The following HTR3D variants were observed in gnomAD, a reference collection of about 807,000 sequenced individuals.
The protein encoded by HTR3D is 5-hydroxytryptamine receptor 3D.
Under a neutral mutation model 45.8 loss-of-function variants are expected in HTR3D, and 47 were observed. The observed-to-expected ratio is 1.03, with a 90% CI of 0.81 to 1.31. HTR3D has a LOEUF of 1.31. Ranked by LOEUF, HTR3D falls within the 50% of genes most tolerant of loss-of-function variation. The probability of loss-of-function intolerance (pLI) is 0.00; values close to 1 mark genes in which losing one functional copy is unlikely to be tolerated. For missense variants in HTR3D, 448 were observed against 506.9 expected (o/e 0.88, Z 1.12); for synonymous variants, 203 against 199.8 (o/e 1.02, Z -0.13).
rs1258295647 is a variant in HTR3D, at chr3:184,038,154, T to C, written c.650T>C (p.Met217Thr). ...AGTGGGAATTGTGCCCCATTCAAGA[T>C]GACTGTTCTGCTGGGCTACAGCGTC... Reference protein sequence around the residue: ...LESGNCAPFKMTVLLGYSVFL... With the variant: ...LESGNCAPFKTTVLLGYSVFL... Residue 217 changes from methionine to threonine, a missense_variant, in exon 6 of 8, where the codon ATG (methionine) becomes ACG (threonine). Coordinates refer to ENST00000428798, the MANE Select transcript of HTR3D (RefSeq NM_001145143.1). This position sits in a 1 kb window ranked among gnomAD's most constrained non-coding sequence, Gnocchi z 4.5. 2.7e-5 allele frequency: 43 copies of C among 1,614,198 alleles called. No homozygotes were observed. The highest frequency in any genetic ancestry group is 3.4e-5 in the Non-Finnish European group (40 of 1,180,020).
chr3:184,032,274 G>T (rs1000011749), intron 1 of HTR3D, among the ~76,000 whole-genome samples: 1 of 152,176 alleles, frequency 6.6e-6, no homozygotes, highest in African/African-American at 2.4e-5. Flanking sequence ...GATTACAGGC[G>T]TGAGCCCCTG....
rs546924926 is a variant in HTR3D, at chr3:184,036,245, G to C, written c.198-130G>C. On this transcript the variant is annotated intron_variant, in intron 3 of 7. Coordinates refer to ENST00000428798, the MANE Select transcript of HTR3D (RefSeq NM_001145143.1). ...TACAAACCCCCAGAATATGATTATA[G>C]GTAGAAGAGAGCAGTCATCTGAGTG... 7.5e-5 allele frequency: 112 copies of C among 1,492,540 alleles called. 1 individual carries two copies. The East Asian group carries it at 2.1e-3, about 27-fold the overall frequency. 92.5% of individuals were successfully genotyped at this position (1,492,540 alleles called of 1,614,324 possible). A position where few individuals can be genotyped will look rare whatever the true frequency, so the allele number is the denominator to read the frequency against.
chr3:184,036,392 C>A lies in HTR3D; in HGVS notation c.215C>A (p.Ala72Glu), dbSNP rs764122723. The change falls in exon 4 of 8, where the codon GCA (alanine) becomes GAA (glutamate). Residue 72 changes from alanine (A) to glutamate (E), a missense_variant. Ala to Glu is a moderately radical substitution (Grantham distance 107). Transcript: ENST00000428798. ...FIEESVDQTP[A>E]GLMASMSIVK... is the part of the protein sequence containing the mutation. ...AGCATCAGTGTGGATCAGACACCTG[C>A]AGGTCTCATGGCTAGTATGTCAATA... The A allele has an allele frequency of 2.5e-6, 4 of 1,614,058 alleles. No individual in the cohort carries two copies. The Admixed American group carries it at 6.7e-5, about 27-fold the overall frequency.
chr3:184,037,977 T>A, intron 5 of HTR3D, 44 bp from the exon 6 acceptor site: 1 of 1,600,698 alleles, frequency 6.2e-7, no homozygotes, highest in East Asian at 2.2e-5. Flanking sequence ...CTTGACAGCC[T>A]CCCAGCCTAC....
Position 184,036,975 on chromosome 3 carries a change from G to A in HTR3D, c.516+79G>A, listed in dbSNP as rs369658133. 375 of 1,397,008 alleles carry A rather than the reference G, an allele frequency of 2.7e-4. 8 individuals carry two copies. The South Asian group carries it at 4.3e-3, about 16-fold the overall frequency. 86.5% of individuals were successfully genotyped at this position (1,397,008 alleles called of 1,614,324 possible). On this transcript the variant is annotated intron_variant, in intron 5 of 7. Transcript: ENST00000428798. ...ACTCCTGGCTTCAGGTGATCCGCCC[G>A]CCTCGGCCTCCCAAAGTGCTGGGAT...
chr3:184,034,139 T>G (rs1283657321), intron 1 of HTR3D, among the ~76,000 whole-genome samples: 3 of 151,986 alleles, frequency 2.0e-5, no homozygotes, highest in African/African-American at 7.3e-5. Flanking sequence ...AAACGGGGTA[T>G]TTGTACACTT....
chr3:184,033,144 G>C (rs1172101083), intron 1 of HTR3D: 1 of 935,082 alleles, frequency 1.1e-6, no homozygotes, highest in Non-Finnish European at 1.6e-6. Flanking sequence ...TTTTGAGATG[G>C]AGTCTTGCTC....
intron 5 of HTR3D, among the ~76,000 whole-genome samples, 178 bp downstream of exon 5, chr3:184,037,074 T>C (rs1249884313): frequency 6.6e-6 from 1 of 150,882 alleles, no homozygotes; most frequent in Non-Finnish European, 1.5e-5. Flanking sequence ...AGTTTTGTTC[T>C]TGTCGCTCAG....
chr3:184,038,820 T>C lies in HTR3D; in HGVS notation c.1060T>C (p.Trp354Arg). Reference protein sequence around the residue: ...GEAELTGGSEWTRAQREHEAQ... With the variant: ...GEAELTGGSERTRAQREHEAQ... ...GGCAGAGCTGACAGGGGGCTCAGAA[T>C]GGACAAGGGCCCAGCGGGAACACGA... is the stretch of plus-strand genomic sequence containing the variant. The change falls in exon 8 of 8, where the codon TGG becomes CGG. Residue 354 changes from tryptophan to arginine, a missense_variant. Trp to Arg is a moderately radical substitution (Grantham distance 101, BLOSUM62 -3). Coordinates refer to ENST00000428798, the MANE Select transcript of HTR3D (RefSeq NM_001145143.1). This position sits in a 1 kb window ranked among gnomAD's most constrained non-coding sequence, Gnocchi z 4.5. 2.5e-6 allele frequency: 4 copies of C among 1,614,002 alleles called. No homozygotes were observed. Among genetic ancestry groups the C allele is most frequent in the Non-Finnish European group, 3.4e-6 (4 of 1,179,974 alleles).
Position 184,036,465 on chromosome 3 carries a change from T to C in HTR3D, c.288T>C (p.Ser96=). 6.2e-7 allele frequency: 1 copy of C among 1,614,240 alleles called. No individual in the cohort carries two copies. Among genetic ancestry groups the C allele is most frequent in the East Asian group, 2.2e-5 (1 of 44,884 alleles). Residue 96 remains serine, a synonymous_variant, in exon 4 of 8, where the codon TCT becomes TCC. Transcript: ENST00000428798. ...TAAGCCAATGTGGGTGGTCAGCATC[T>C]GCAAACTGGACACCTTCTATTTCCC... ...NTISQCGWSA[S]ANWTPSISPS...
rs533957306 is a variant in HTR3D, at chr3:184,032,681, G to T, written c.66+874G>T. On this transcript the variant is annotated intron_variant, in intron 1 of 7. Transcript: ENST00000428798. ...TTGCATACACATCTGGACAGGTTTT[G>T]CATGGGGACAAAACAATGGCACTGA... 150 of 650,356 alleles carry T rather than the reference G, an allele frequency of 2.3e-4. No individual in the cohort carries two copies. In the African/African-American group the frequency reaches 2.4e-3, roughly 11 times the overall value. 40.3% of individuals were successfully genotyped at this position (650,356 alleles called of 1,614,324 possible).
Position 184,036,769 on chromosome 3 carries a change from C to T in HTR3D, c.389C>T (p.Ser130Phe), listed in dbSNP as rs1278509360. The T allele has an allele frequency of 7.1e-5, 110 of 1,552,098 alleles. 3 individuals carry two copies. The East Asian group carries it at 2.6e-3, about 37-fold the overall frequency. ...CGAGCCCGGGCATGGAGAAGGATGT[C>T]CAGGAGCTTTCAAATACATCACAGA... Reference protein sequence around the residue: ...TQVTRAWRRMSRSFQIHHRTS... With the variant: ...TQVTRAWRRMFRSFQIHHRTS... Residue 130 changes from serine (S) to phenylalanine (F), a missense_variant, in exon 5 of 8, where the codon TCC becomes TTC. By Grantham distance (155) the Ser-to-Phe change is radical. Transcript: ENST00000428798.
At position 184,036,851 on chromosome 3, in the gene HTR3D, A is replaced by G; in HGVS notation, c.471A>G (p.Ile157Met). The G allele has an allele frequency of 6.4e-7, 1 of 1,551,552 alleles. No individual in the cohort carries two copies. The highest frequency in any genetic ancestry group is 8.7e-7 in the Non-Finnish European group (1 of 1,146,926). Reference sequence around the variant, plus strand: ...TGCTGGGTATCCAAAAAAGAACAATAAAGGTGACCGTGGCCACTAACCAGT... The same window carrying G: ...TGCTGGGTATCCAAAAAAGAACAATGAAGGTGACCGTGGCCACTAACCAGT... Reference protein sequence around the residue: ...WVLLGIQKRTIKVTVATNQYE... With the variant: ...WVLLGIQKRTMKVTVATNQYE... Residue 157 changes from isoleucine (I) to methionine (M), a missense_variant, in exon 5 of 8, where the codon ATA becomes ATG. Transcript: ENST00000428798.
At position 184,037,901 on chromosome 3, in the gene HTR3D, G is replaced by A. The variant is rs191666765; in HGVS notation, c.517-120G>A. On this transcript the variant is annotated intron_variant, in intron 5 of 7. Transcript: ENST00000428798. ...GAAAAGACCGGATGCTGAAAGGGAC[G>A]GGAGGTAATATTTCCTTACTAGACA... The A allele has an allele frequency of 1.7e-4, 206 of 1,228,450 alleles. 1 individual carries two copies. The highest frequency in any genetic ancestry group is 9.0e-4 in the Admixed American group (40 of 44,208). The allele number at this position is 1,228,450 out of a possible 1,614,324, so 76.1% of individuals were successfully genotyped here. A position where few individuals can be genotyped will look rare whatever the true frequency, so the allele number is the denominator to read the frequency against.
At chr3:184,032,448 T>C (rs930266687) in intron 1 of HTR3D, among the ~76,000 whole-genome samples, 1 of 152,216 alleles carries the variant, frequency 6.6e-6, no homozygotes, top group Non-Finnish European at 1.5e-5. Flanking sequence ...CCTATCTGAT[T>C]ACTCCCCTTA....
At position 184,033,093 on chromosome 3, in the gene HTR3D, T is replaced by C. The variant is rs539358898; in HGVS notation, c.66+1286T>C. 6 of 1,435,908 alleles carry C rather than the reference T, an allele frequency of 4.2e-6. No individual in the cohort carries two copies. In the Admixed American group the frequency reaches 6.2e-5, roughly 15 times the overall value. The allele number at this position is 1,435,908 out of a possible 1,614,324, so 88.9% of individuals were successfully genotyped here. A position where few individuals can be genotyped will look rare whatever the true frequency, so the allele number is the denominator to read the frequency against. On this transcript the variant is annotated intron_variant, in intron 1 of 7. Coordinates refer to ENST00000428798, the MANE Select transcript of HTR3D (RefSeq NM_001145143.1). The stretch of plus-strand genomic sequence containing the variant: ...CTCACCCAACATTGCAGTGGTCTAG[T>C]GGTGAGCAGTGGACCCTCTGACTGG...
rs1214584099 is a variant in HTR3D at position 184,038,002 on chromosome 3, T to C, written c.517-19T>C. On this transcript the variant is annotated intron_variant, in intron 5 of 7. Transcript: ENST00000428798. The surrounding 1 kb of genome is among the most constrained non-coding windows in gnomAD (Gnocchi z 4.5). ...TCCCAGCCTACTTCTCACTTGCCCC[T>C]CCTTCTCCTCCCCACCAGGTGGCCA... 2 of 1,611,038 alleles carry C rather than the reference T, an allele frequency of 1.2e-6. No homozygotes were observed. The highest frequency in any genetic ancestry group is 1.7e-4 in the Middle Eastern group (1 of 6,012).
At chr3:184,033,076 A>C in intron 1 of HTR3D, 2 of 1,529,522 alleles carry the variant, frequency 1.3e-6, no homozygotes, top group Non-Finnish European at 1.8e-6. Flanking sequence ...TCCTCACCCA[A>C]CATTGCAGTG....
rs1722910146 is a variant in HTR3D at position 184,036,770 on chromosome 3, C to T, written c.390C>T (p.Ser130=). The T allele has an allele frequency of 1.3e-6, 2 of 1,552,114 alleles. No homozygotes were observed. The highest frequency in any genetic ancestry group is 2.4e-5 in the South Asian group (2 of 84,058). The change falls in exon 5 of 8, where the codon TCC becomes TCT. Residue 130 remains serine (S), a synonymous_variant. Transcript: ENST00000428798. ...TQVTRAWRRM[S]RSFQIHHRTS... ...GAGCCCGGGCATGGAGAAGGATGTC[C>T]AGGAGCTTTCAAATACATCACAGAA...
Sources: gnomAD v4.1 joint callset for allele counts (sites outside exome capture counted in the v4.1 genomes callset) on GRCh38, gnomAD v4.1.1 for gene constraint, Gnocchi (gnomAD v3.1) non-coding constraint, MANE v1.5 for transcripts, NCBI Gene and HGNC (gene_info 2026-07-23, HGNC 2026-07-21) for gene names.